Variants in COA5 observed in about 807,000 individuals in gnomAD.
COA5 encodes the protein cytochrome c oxidase assembly factor 5.
Under a neutral mutation model 11.8 loss-of-function variants are expected in COA5, and 11 were observed. That is an observed-to-expected ratio of 0.93 (90% CI 0.59 to 1.54). The LOEUF is 1.54. Ranked by LOEUF, COA5 falls within the 40% of genes most tolerant of loss-of-function variation. The pLI is 0.00. For missense variants in COA5, 87 were observed against 89.2 expected, an observed-to-expected ratio of 0.97 and a Z score of 0.10; for synonymous variants, 38 against 37.5, an observed-to-expected ratio of 1.01 and a Z score of -0.05.
rs1700744149 is a variant in COA5, at chr2:98,608,443, C to T, written c.-38G>A. On this transcript the variant is annotated 5_prime_UTR_variant, in exon 1 of 3. Transcript: ENST00000328709. ...CCTCCGATGCGGACGCGACTTTCTC[C>T]CACCGCAACACTTGCAACCGGGTCG... The T allele has an allele frequency of 1.4e-6, 2 of 1,473,250 alleles. No individual in the cohort carries two copies. The highest frequency in any genetic ancestry group is 1.9e-6 in the Non-Finnish European group (2 of 1,077,104). 91.3% of individuals were successfully genotyped at this position (1,473,250 alleles called of 1,614,324 possible). A position where few individuals can be genotyped will look rare whatever the true frequency, so the allele number is the denominator to read the frequency against.
At chr2:98,601,613 A>G (rs1179802798) in intron 2 of COA5, among the ~76,000 whole-genome samples, 4 of 152,038 alleles carry the variant, frequency 2.6e-5, no homozygotes, top group East Asian at 1.9e-4. Flanking sequence ...AGTCAATGTC[A>G]CTCCCCAAAA....
chr2:98,608,134 G>A (rs569977974), intron 1 of COA5, 173 bp downstream of exon 1: 1 of 631,498 alleles, frequency 1.6e-6, no homozygotes, highest in Admixed American at 2.5e-5. Flanking sequence ...ACCCCACAGG[G>A]AACTGGGGCT....
intron 1 of COA5, chr2:98,604,418 A>C: frequency 1.9e-6 from 1 of 522,648 alleles, no homozygotes; most frequent in Non-Finnish European, 3.4e-6. Context: ...TCTTGAAAAC[A>C]CTGGTTTCTA....
intron 1 of COA5, among the ~76,000 whole-genome samples, chr2:98,605,104 TA>T (rs1559144938): frequency 1.3e-5 from 2 of 152,176 alleles, no homozygotes; most frequent in Non-Finnish European, 2.9e-5. Context: ...CTGCCTGGGG[TA>T]AAGATCCATC....
chr2:98,604,175 C>T lies in COA5; in HGVS notation c.116G>A (p.Arg39Gln), dbSNP rs376113873. ...DCVVQEGKSP[R>Q]QCLKEGYCNS... ...GCAGTATCCTTCCTTCAAACACTGC[C>T]GAGGTGATTTTCCTTCCTATGACAG... The change falls in exon 2 of 3, where the codon CGG becomes CAG. Residue 39 changes from arginine (R) to glutamine (Q), a missense_variant. Physicochemically the swap from Arg to Gln is conservative, Grantham distance 43. Coordinates refer to ENST00000328709, the MANE Select transcript of COA5 (RefSeq NM_001008215.3). The T allele has an allele frequency of 6.7e-5, 108 of 1,613,488 alleles. No homozygotes were observed. Among genetic ancestry groups the T allele is most frequent in the South Asian group, 1.1e-4 (10 of 91,052 alleles).
intron 1 of COA5, among the ~76,000 whole-genome samples, chr2:98,607,655 C>T (rs1030942435): frequency 3.3e-5 from 5 of 152,190 alleles, no homozygotes; most frequent in African/African-American, 9.7e-5. Flanking sequence ...AGCTCTAATC[C>T]AGAACTCAGG....
chr2:98,604,436 C>G (rs1430400352), intron 1 of COA5: 1 of 481,076 alleles, frequency 2.1e-6, no homozygotes, highest in African/African-American at 2.0e-5. Flanking sequence ...CTATTGGATA[C>G]TTTTCCTTAA....
chr2:98,600,837 T>C (rs770225689), intron 2 of COA5, 44 bp from the exon 3 acceptor site: 1 of 1,254,570 alleles, frequency 8.0e-7, no homozygotes, highest in Non-Finnish European at 1.2e-6. Flanking sequence ...TACAATGTAA[T>C]TAATTAAACA....
At chr2:98,604,546 C>T (rs571215587) in intron 1 of COA5, 16 of 251,230 alleles carry the variant, frequency 6.4e-5, no homozygotes, top group African/African-American at 2.5e-4. Flanking sequence ...AGTGTTGGCA[C>T]GAAACACTTC....
Position 98,599,907 on chromosome 2 carries a change from T to C in COA5, c.*845A>G, listed in dbSNP as rs766369618. The C allele has an allele frequency of 6.6e-5, 10 of 152,462 alleles. No individual in the cohort carries two copies. The highest frequency in any genetic ancestry group is 5.9e-4 in the Admixed American group (9 of 15,308). 9.4% of individuals were successfully genotyped at this position (152,462 alleles called of 1,614,324 possible). A position where few individuals can be genotyped will look rare whatever the true frequency, so the allele number is the denominator to read the frequency against. On this transcript the variant is annotated 3_prime_UTR_variant, in exon 3 of 3. Transcript: ENST00000328709. ...AGTTAGCAATGACAGTGCAGATAGA[T>C]AGCCCAGGCCTGGCCAAGATCACAG...
Position 98,604,157 on chromosome 2 carries a change from C to G in COA5, c.134G>C (p.Gly45Ala), listed in dbSNP as rs1476999870. The change falls in exon 2 of 3, where the codon GGA becomes GCA. Residue 45 changes from glycine to alanine, a missense_variant. Transcript: ENST00000328709. ...GKSPRQCLKE[G>A]YCNSLKYAFF... ...TGCGTACTTCAAAGAGTTGCAGTAT[C>G]CTTCCTTCAAACACTGCCGAGGTGA... is the stretch of plus-strand genomic sequence containing the variant. 6.2e-7 allele frequency: 1 copy of G among 1,613,892 alleles called. No individual in the cohort carries two copies. Among genetic ancestry groups the G allele is most frequent in the Admixed American group, 1.7e-5 (1 of 60,030 alleles).
intron 2 of COA5, among the ~76,000 whole-genome samples, chr2:98,603,506 A>G (rs1253067302): frequency 1.3e-5 from 2 of 152,062 alleles, no homozygotes; most frequent in Admixed American, 6.5e-5. Context: ...ACAAAAAAAA[A>G]ACATCCTCAA....
Position 98,608,458 on chromosome 2 carries a change from C to G in COA5, c.-53G>C. 1.4e-6 allele frequency: 2 copies of G among 1,383,650 alleles called. No homozygotes were observed. The highest frequency in any genetic ancestry group is 1.8e-4 in the Middle Eastern group (1 of 5,700). 85.7% of individuals were successfully genotyped at this position (1,383,650 alleles called of 1,614,324 possible). Reference sequence around the variant, plus strand: ...CGACTTTCTCCCACCGCAACACTTGCAACCGGGTCGGGAGCGAGCGAGGCC... The same window carrying G: ...CGACTTTCTCCCACCGCAACACTTGGAACCGGGTCGGGAGCGAGCGAGGCC... On this transcript the variant is annotated 5_prime_UTR_variant, in exon 1 of 3. Transcript: ENST00000328709.
chr2:98,599,796 A>G lies in COA5; in HGVS notation c.*956T>C, dbSNP rs1264518822. On this transcript the variant is annotated 3_prime_UTR_variant, in exon 3 of 3. Coordinates refer to ENST00000328709, the MANE Select transcript of COA5 (RefSeq NM_001008215.3). ...TTCATGGTTTTCATTCTTGCTTTCT[A>G]TAGTGAACATCTGTTGTTTCCACTT... The G allele has an allele frequency of 6.6e-6, 1 of 152,236 alleles. No individual in the cohort carries two copies. Among genetic ancestry groups the G allele is most frequent in the Admixed American group, 6.5e-5 (1 of 15,280 alleles). 9.4% of individuals were successfully genotyped at this position (152,236 alleles called of 1,614,324 possible).
At chr2:98,600,936 G>C in intron 2 of COA5, 143 bp from the exon 3 acceptor site, 2 of 658,674 alleles carry the variant, frequency 3.0e-6, no homozygotes. Flanking sequence ...GAACTACCAA[G>C]AAAAACCACA....
At position 98,600,611 on chromosome 2, in the gene COA5, A is replaced by G; in HGVS notation, c.*141T>C. The G allele has an allele frequency of 5.6e-6, 4 of 716,164 alleles. No individual in the cohort carries two copies. The South Asian group carries it at 6.2e-5, about 11-fold the overall frequency. The allele number at this position is 716,164 out of a possible 1,614,324, so 44.4% of individuals were successfully genotyped here. On this transcript the variant is annotated 3_prime_UTR_variant, in exon 3 of 3. Transcript: ENST00000328709. ...ATACATATTCGAAAACAACTCATCC[A>G]CTTTCTTCAGTGTTCCACGGAGGGG...
rs147848686 is a variant in COA5, at chr2:98,603,848, C to T, written c.183+260G>A. ...TCAACTTTTACCCGTATATACCTGC[C>T]GAGACTTCATTCTCACACTTTCAGA... On this transcript the variant is annotated intron_variant, in intron 2 of 2. Transcript: ENST00000328709. 4.8e-4 allele frequency among the ~76,000 whole-genome samples: 73 copies of T among 152,302 alleles called. 1 individual carries two copies. The East Asian group carries it at 0.011, about 24-fold the overall frequency.
chr2:98,602,123 C>T (rs1017001786), intron 2 of COA5, among the ~76,000 whole-genome samples: 2 of 152,162 alleles, frequency 1.3e-5, no homozygotes, highest in African/African-American at 4.8e-5. Context: ...TTTTAAAACA[C>T]AGGAATCAGG....
chr2:98,604,968 G>A (rs1700688790), intron 1 of COA5, among the ~76,000 whole-genome samples: 1 of 152,178 alleles, frequency 6.6e-6, no homozygotes, highest in Non-Finnish European at 1.5e-5. Flanking sequence ...CCACATGAAC[G>A]ACGTGGAGGC....
Sources: gnomAD v4.1 joint callset for allele counts (sites outside exome capture counted in the v4.1 genomes callset) on GRCh38, gnomAD v4.1.1 for gene constraint, MANE v1.5 for transcripts, NCBI Gene and HGNC (gene_info 2026-07-23, HGNC 2026-07-21) for gene names.